CFHR2: variants seen among roughly 807,000 people sequenced by gnomAD.
CFHR2 encodes complement factor H related 2, also known as complement factor H-related protein 2.
Under a neutral mutation model 21.7 loss-of-function variants are expected in CFHR2, and 22 were observed. That is an observed-to-expected ratio of 1.01 (90% CI 0.72 to 1.45). The LOEUF is 1.45. Ranked by LOEUF, CFHR2 falls within the 40% of genes most tolerant of loss-of-function variation. The pLI is 0.00. For missense variants in CFHR2, 294 were observed against 293.3 expected (o/e 1.00, Z -0.02); for synonymous variants, 98 against 97.4 (o/e 1.01, Z -0.04).
chr1:196,953,355 TCCCTGCA>T (rs1652726677), intron 3 of CFHR2, among the ~76,000 whole-genome samples: 1 of 152,140 alleles, frequency 6.6e-6, no homozygotes, highest in Non-Finnish European at 1.5e-5. Context: ...GGATCTTGGC[TCCCTGCA>T]AATTCTACCT....
intron 1 of CFHR2, among the ~76,000 whole-genome samples, chr1:196,947,140 T>C (rs1303818736): frequency 6.6e-6 from 1 of 152,012 alleles, no homozygotes; most frequent in East Asian, 1.9e-4. Context: ...TGTGTGTGTG[T>C]GTGTGTGTGT....
intron 3 of CFHR2, among the ~76,000 whole-genome samples, chr1:196,956,675 T>C (rs1652894340): frequency 6.6e-6 from 1 of 152,202 alleles, no homozygotes; most frequent in African/African-American, 2.4e-5. Context: ...ATTGTTTTAC[T>C]ATTTGGGTTT....
intron 1 of CFHR2, among the ~76,000 whole-genome samples, chr1:196,946,441 A>G (rs147839739): frequency 0.03 from 4,547 of 150,382 alleles, 232 homozygotes; most frequent in African/African-American, 0.1. Context: ...TTTAATTTTT[A>G]TGTCTTTCGA....
rs1653015232 is a variant in CFHR2, at chr1:196,959,034, T to C, written c.767T>C (p.Met256Thr). ...ACAAAATCTCATTCATTTCGAGCAA[T>C]GTGTCAGAATGGGAAACTGGTATAT... ...HPTKSHSFRA[M>T]CQNGKLVYPS... Residue 256 changes from methionine to threonine, a missense_variant, in exon 5 of 5, where the codon ATG (methionine) becomes ACG (threonine). Coordinates refer to ENST00000367415, the MANE Select transcript of CFHR2 (RefSeq NM_005666.4). The C allele has an allele frequency of 1.2e-6, 2 of 1,612,408 alleles. No homozygotes were observed. Among genetic ancestry groups the C allele is most frequent in the African/African-American group, 1.3e-5 (1 of 75,012 alleles).
chr1:196,955,744 G>A (rs1367150230), intron 3 of CFHR2, among the ~76,000 whole-genome samples: 1 of 152,056 alleles, frequency 6.6e-6, no homozygotes, highest in Non-Finnish European at 1.5e-5. Context: ...CTATTTGGGA[G>A]GCTGAGGCAG....
intron 3 of CFHR2, among the ~76,000 whole-genome samples, chr1:196,956,481 G>C (rs1324925637): frequency 6.6e-6 from 1 of 151,938 alleles, no homozygotes; most frequent in Non-Finnish European, 1.5e-5. Context: ...TCTCTTTCTG[G>C]ATTGCCTCTC....
chr1:196,959,494 T>C lies in CFHR2; in HGVS notation c.*414T>C, dbSNP rs1653034328. Among the ~76,000 whole-genome samples, 1 of 152,050 alleles carries C rather than the reference T, an allele frequency of 6.6e-6. No homozygotes were observed. Among genetic ancestry groups the C allele is most frequent in the East Asian group, 1.9e-4 (1 of 5,186 alleles). On this transcript the variant is annotated 3_prime_UTR_variant, in exon 5 of 5. Coordinates refer to ENST00000367415, the MANE Select transcript of CFHR2 (RefSeq NM_005666.4). Reference sequence around the variant, plus strand: ...TACTTCATAGTATATTACTGGTAACTGAAGGAATTATATCTAGACGTTACC... The same window carrying C: ...TACTTCATAGTATATTACTGGTAACCGAAGGAATTATATCTAGACGTTACC...
chr1:196,944,606 CA>C (rs1659406692), intron 1 of CFHR2, among the ~76,000 whole-genome samples: 1 of 151,908 alleles, frequency 6.6e-6, no homozygotes. Flanking sequence ...GCCACCATAT[CA>C]AAGGAATTGC....
At chr1:196,947,766 A>G (rs1218592764) in intron 1 of CFHR2, among the ~76,000 whole-genome samples, 1 of 152,192 alleles carries the variant, frequency 6.6e-6, no homozygotes, top group Non-Finnish European at 1.5e-5. Flanking sequence ...ATATATGAGG[A>G]ACTATCTTGA....
At chr1:196,947,229 G>C (rs6674522) in intron 1 of CFHR2, among the ~76,000 whole-genome samples, 22,226 of 151,972 alleles carry the variant, frequency 0.15, 2,010 homozygotes, top group African/African-American at 0.26. Context: ...CTTTTGAAGT[G>C]GGTGGTTGTG....
At chr1:196,956,306 ATAG>A (rs1189469779) in intron 3 of CFHR2, among the ~76,000 whole-genome samples, 2 of 152,236 alleles carry the variant, frequency 1.3e-5, no homozygotes, top group Non-Finnish European at 2.9e-5. Context: ...TAGATTTGGA[ATAG>A]TTTAATGTAA....
chr1:196,955,641 G>A (rs1020008915), intron 3 of CFHR2, among the ~76,000 whole-genome samples: 1 of 152,098 alleles, frequency 6.6e-6, no homozygotes, highest in Admixed American at 6.6e-5. Flanking sequence ...TTGAGGTCAG[G>A]AATTTGGGAC....
At chr1:196,955,237 G>C (rs1394149540) in intron 3 of CFHR2, among the ~76,000 whole-genome samples, 3 of 152,164 alleles carry the variant, frequency 2.0e-5, no homozygotes, top group Non-Finnish European at 4.4e-5. Flanking sequence ...AGCATAGCAA[G>C]AGTGACCTTT....
chr1:196,949,703 T>C (rs1479552742), intron 2 of CFHR2, 54 bp downstream of exon 2: 15 of 1,601,782 alleles, frequency 9.4e-6, no homozygotes, highest in Middle Eastern at 1.7e-4. Context: ...CAGAGAAGGA[T>C]ATGCCAGACA....
At position 196,949,519 on chromosome 1, in the gene CFHR2, A is replaced by G. The variant is rs750559733; in HGVS notation, c.123A>G (p.Pro41=). The change falls in exon 2 of 5, where the codon CCA becomes CCG. Residue 41 remains proline (P), a synonymous_variant. Coordinates refer to ENST00000367415, the MANE Select transcript of CFHR2 (RefSeq NM_005666.4). ...GILYDEEKYK[P]FSQVPTGEVF... is the part of the protein sequence containing the mutation. ...TATATGATGAAGAAAAATATAAGCC[A>G]TTTTCCCAAGTTCCTACAGGGGAAG... 1.1e-5 allele frequency: 17 copies of G among 1,613,978 alleles called. No individual in the cohort carries two copies. Among genetic ancestry groups the G allele is most frequent in the East Asian group, 2.2e-5 (1 of 44,872 alleles).
intron 3 of CFHR2, among the ~76,000 whole-genome samples, chr1:196,952,997 C>CT (rs1652679852): frequency 6.6e-6 from 1 of 152,166 alleles, no homozygotes; most frequent in African/African-American, 2.4e-5. Flanking sequence ...TAGCGGAACA[C>CT]TCTATGTCCA....
rs77786256 is a variant in CFHR2 at position 196,957,669 on chromosome 1, C to T, written c.431-222C>T. Among the ~76,000 whole-genome samples the T allele has an allele frequency of 0.019, 2,885 of 152,210 alleles. 99 individuals carry two copies. The highest frequency in any genetic ancestry group is 0.064 in the African/African-American group (2,671 of 41,522). ...AACATTTCTTAATCCTGGAATACTA[C>T]AAAGTGTCATCTTTGTTAATGCTGT... On this transcript the variant is annotated intron_variant, in intron 3 of 4. Transcript: ENST00000367415.
intron 1 of CFHR2, among the ~76,000 whole-genome samples, chr1:196,947,260 A>G (rs1395136912): frequency 2.0e-5 from 3 of 152,154 alleles, no homozygotes; most frequent in Non-Finnish European, 4.4e-5. Context: ...TTGCAAGAAG[A>G]CATTAACACT....
chr1:196,958,223 T>C, intron 4 of CFHR2, 150 bp downstream of exon 4: 1 of 591,896 alleles, frequency 1.7e-6, no homozygotes, highest in East Asian at 3.3e-5. Context: ...AATGTAAAGT[T>C]TAGAAATTTT....
Sources: gnomAD v4.1 joint callset for allele counts (sites outside exome capture counted in the v4.1 genomes callset) on GRCh38, gnomAD v4.1.1 for gene constraint, MANE v1.5 for transcripts, NCBI Gene and HGNC (gene_info 2026-07-23, HGNC 2026-07-21) for gene names.